STAT4: variants seen among roughly 807,000 people sequenced by gnomAD.
STAT4 encodes signal transducer and activator of transcription 4.
Under a neutral mutation model 110.5 loss-of-function variants are expected in STAT4, and 42 were observed. The ratio of observed to expected loss-of-function variants is 0.38; its 90% CI spans 0.30 to 0.49. STAT4 has a LOEUF of 0.49. Ranked by LOEUF, STAT4 falls within the 20% of genes least tolerant of loss-of-function variation. The probability of loss-of-function intolerance (pLI) is 0.95; values close to 1 mark genes in which losing one functional copy is unlikely to be tolerated. For synonymous variants in STAT4, 284 were observed against 302.2 expected (o/e 0.94, Z 0.63); for missense variants, 632 against 887.9 (o/e 0.71, Z 3.66).
intron 6 of STAT4, chr2:191,068,531 C>G (rs1159249052): frequency 1.3e-5 from 2 of 152,116 alleles, no homozygotes; most frequent in African/African-American, 4.8e-5. Context: ...AATGTTTGGC[C>G]ACAATCATTC....
intron 3 of STAT4, among the ~76,000 whole-genome samples, chr2:191,120,775 C>T (rs1023632471): frequency 3.3e-5 from 5 of 152,134 alleles, no homozygotes; most frequent in Admixed American, 2.6e-4. Context: ...AAAATTAATT[C>T]AAGATGGATT....
At chr2:191,125,476 T>TTTATTA (rs6147087) in intron 3 of STAT4, among the ~76,000 whole-genome samples, 14,344 of 137,898 alleles carry the variant, frequency 0.1, 1,005 homozygotes, top group Middle Eastern at 0.19. Context: ...ATCCTCATTA[T>TTTATTA]TTATTATTAT....
chr2:191,123,821 A>G (rs1698802616), intron 3 of STAT4, among the ~76,000 whole-genome samples: 2 of 152,216 alleles, frequency 1.3e-5, no homozygotes, highest in African/African-American at 4.8e-5. Context: ...AGAGTATTGT[A>G]CTGCGTTATT....
At chr2:191,068,906 T>TA (rs1200884799) in intron 6 of STAT4, among the ~76,000 whole-genome samples, 2 of 152,034 alleles carry the variant, frequency 1.3e-5, no homozygotes, top group Non-Finnish European at 2.9e-5. Flanking sequence ...CCTTCATTTT[T>TA]AAAAAACACC....
At chr2:191,040,526 C>T (rs3024872) in intron 15 of STAT4, among the ~76,000 whole-genome samples, 131 of 151,978 alleles carry the variant, frequency 8.6e-4, no homozygotes, top group African/African-American at 3.0e-3. Context: ...ATATAAAGTT[C>T]GTAATACTCT....
chr2:191,117,759 C>T lies in STAT4; in HGVS notation c.273+28854G>A, dbSNP rs1698609836. ...CCATTGCTTATTTTTCTTCCGATGC[C>T]TGGATGCATCCCTCCTTTGTGAACT... On this transcript the variant is annotated intron_variant, in intron 3 of 23. Transcript: ENST00000392320. This position sits in a 1 kb window ranked among gnomAD's most constrained non-coding sequence, Gnocchi z 5.2. Among the ~76,000 whole-genome samples, 1 of 152,150 alleles carries T rather than the reference C, an allele frequency of 6.6e-6. No individual in the cohort carries two copies. Among genetic ancestry groups the T allele is most frequent in the Non-Finnish European group, 1.5e-5 (1 of 68,034 alleles).
intron 3 of STAT4, among the ~76,000 whole-genome samples, chr2:191,118,425 G>A (rs758379617): frequency 1.6e-4 from 24 of 152,106 alleles, no homozygotes; most frequent in Non-Finnish European, 2.9e-4. Context: ...TCAAAAATTG[G>A]TGAGATCTTC....
rs1698569655 is a variant in STAT4 at position 191,116,291 on chromosome 2, A to G, written c.273+30322T>C. On this transcript the variant is annotated intron_variant, in intron 3 of 23. Coordinates refer to ENST00000392320, the MANE Select transcript of STAT4 (RefSeq NM_003151.4). This position sits in a 1 kb window ranked among gnomAD's most constrained non-coding sequence, Gnocchi z 4.1. ...ACGACACCACCTTCTCTGCAGAATC[A>G]TATCACCTGTACATTTCATCCTAAA... Among the ~76,000 whole-genome samples the G allele has an allele frequency of 6.6e-6, 1 of 152,190 alleles. No individual in the cohort carries two copies. Among genetic ancestry groups the G allele is most frequent in the Non-Finnish European group, 1.5e-5 (1 of 68,028 alleles).
At chr2:191,038,940 A>G (rs1696116162) in intron 16 of STAT4, among the ~76,000 whole-genome samples, 1 of 152,200 alleles carries the variant, frequency 6.6e-6, no homozygotes, top group Non-Finnish European at 1.5e-5. Flanking sequence ...TGGTACGCAC[A>G]TAGTTGGCAG....
chr2:191,108,249 C>A (rs1249460022), intron 3 of STAT4, among the ~76,000 whole-genome samples: 1 of 151,438 alleles, frequency 6.6e-6, no homozygotes, highest in Non-Finnish European at 1.5e-5. Context: ...CGAGATCGCG[C>A]CACTACGCTC....
chr2:191,061,219 G>C lies in STAT4; in HGVS notation c.1034+510C>G, dbSNP rs556777521. Among the ~76,000 whole-genome samples the C allele has an allele frequency of 6.6e-6, 1 of 152,122 alleles. No homozygotes were observed. Among genetic ancestry groups the C allele is most frequent in the East Asian group, 1.9e-4 (1 of 5,190 alleles). ...AACTGTGGTATTGGGAGTTTTTGTGGAAAGTCTAATAAGCCAGTTACTGGG... is the reference window on the plus strand; with the variant it reads ...AACTGTGGTATTGGGAGTTTTTGTGCAAAGTCTAATAAGCCAGTTACTGGG... On this transcript the variant is annotated intron_variant, in intron 10 of 23. Transcript: ENST00000392320. This position sits in a 1 kb window ranked among gnomAD's most constrained non-coding sequence, Gnocchi z 6.2.
In STAT4 at chr2:191,091,828, T is replaced by C. The variant is rs894294608; in HGVS notation, c.274-15503A>G. 2.6e-5 allele frequency among the ~76,000 whole-genome samples: 4 copies of C among 152,200 alleles called. No homozygotes were observed. Among genetic ancestry groups the C allele is most frequent in the African/African-American group, 9.7e-5 (4 of 41,448 alleles). On this transcript the variant is annotated intron_variant, in intron 3 of 23. Transcript: ENST00000392320. This position sits in a 1 kb window ranked among gnomAD's most constrained non-coding sequence, Gnocchi z 5.4. ...TTCACTTTGACTCCAGAGTGTTGAC[T>C]TACTTTTAACCAATTAACCATCAAG...
At position 191,060,955 on chromosome 2, in the gene STAT4, G is replaced by A. The variant is rs767929554; in HGVS notation, c.1034+774C>T. Among the ~76,000 whole-genome samples, 5 of 152,156 alleles carry A rather than the reference G, an allele frequency of 3.3e-5. No individual in the cohort carries two copies. Among genetic ancestry groups the A allele is most frequent in the Non-Finnish European group, 7.3e-5 (5 of 68,030 alleles). Reference sequence around the variant, plus strand: ...GGCATCACCACCTCTTGACCTGTTAGTCTGTGGTTTCAGCTTTCCAGAGGT... The same window carrying A: ...GGCATCACCACCTCTTGACCTGTTAATCTGTGGTTTCAGCTTTCCAGAGGT... On this transcript the variant is annotated intron_variant, in intron 10 of 23. Coordinates refer to ENST00000392320, the MANE Select transcript of STAT4 (RefSeq NM_003151.4). The surrounding 1 kb of genome is among the most constrained non-coding windows in gnomAD (Gnocchi z 4.5).
At position 191,117,942 on chromosome 2, in the gene STAT4, G is replaced by A. The variant is rs767157804; in HGVS notation, c.273+28671C>T. Among the ~76,000 whole-genome samples, 1 of 152,170 alleles carries A rather than the reference G, an allele frequency of 6.6e-6. No homozygotes were observed. The highest frequency in any genetic ancestry group is 2.4e-5 in the African/African-American group (1 of 41,446). On this transcript the variant is annotated intron_variant, in intron 3 of 23. Coordinates refer to ENST00000392320, the MANE Select transcript of STAT4 (RefSeq NM_003151.4). This position sits in a 1 kb window ranked among gnomAD's most constrained non-coding sequence, Gnocchi z 5.2. ...TGAGAAGGATGTATCTATCTACACT[G>A]TTCAAGAGGAAGATAGATGGGACAC...
Position 191,086,786 on chromosome 2 carries a change from T to C in STAT4, c.274-10461A>G, listed in dbSNP as rs1287373409. Among the ~76,000 whole-genome samples, 3 of 152,188 alleles carry C rather than the reference T, an allele frequency of 2.0e-5. No individual in the cohort carries two copies. Among genetic ancestry groups the C allele is most frequent in the African/African-American group, 7.2e-5 (3 of 41,458 alleles). On this transcript the variant is annotated intron_variant, in intron 3 of 23. Transcript: ENST00000392320. The surrounding 1 kb of genome is among the most constrained non-coding windows in gnomAD (Gnocchi z 5.5). ...ACTTGAAATTGCTAGAAATTAGAACTGCTTTTCTTAAAGCTTCTCAAACTG... is the reference window on the plus strand; with the variant it reads ...ACTTGAAATTGCTAGAAATTAGAACCGCTTTTCTTAAAGCTTCTCAAACTG...
rs971739605 is a variant in STAT4 at position 191,083,648 on chromosome 2, T to G, written c.274-7323A>C. Reference sequence around the variant, plus strand: ...ACAGAGTAAAATATTTTCATTCACATTTTTGAATTAGAAATGTGCAACCTA... The same window carrying G: ...ACAGAGTAAAATATTTTCATTCACAGTTTTGAATTAGAAATGTGCAACCTA... On this transcript the variant is annotated intron_variant, in intron 3 of 23. Transcript: ENST00000392320. This position sits in a 1 kb window ranked among gnomAD's most constrained non-coding sequence, Gnocchi z 4.6. Among the ~76,000 whole-genome samples, 1 of 152,216 alleles carries G rather than the reference T, an allele frequency of 6.6e-6. No individual in the cohort carries two copies. The highest frequency in any genetic ancestry group is 2.4e-5 in the African/African-American group (1 of 41,466).
At position 191,083,174 on chromosome 2, in the gene STAT4, C is replaced by T. The variant is rs1010435379; in HGVS notation, c.274-6849G>A. On this transcript the variant is annotated intron_variant, in intron 3 of 23. Coordinates refer to ENST00000392320, the MANE Select transcript of STAT4 (RefSeq NM_003151.4). This position sits in a 1 kb window ranked among gnomAD's most constrained non-coding sequence, Gnocchi z 4.6. ...TTGAGACAAGGATTCCAGTGCAAGTCGTTTAAGTGGGAGTTGGTCCCACAA... is the reference window on the plus strand; with the variant it reads ...TTGAGACAAGGATTCCAGTGCAAGTTGTTTAAGTGGGAGTTGGTCCCACAA... 6.6e-6 allele frequency among the ~76,000 whole-genome samples: 1 copy of T among 152,084 alleles called. No homozygotes were observed. Among genetic ancestry groups the T allele is most frequent in the Non-Finnish European group, 1.5e-5 (1 of 68,024 alleles).
rs1697213354 is a variant in STAT4, at chr2:191,073,115, T to C, written c.448A>G (p.Ile150Val). The change falls in exon 5 of 24, where the codon ATT (isoleucine) becomes GTT (valine). Residue 150 changes from isoleucine (I) to valine (V), a missense_variant. Ile to Val is a conservative substitution (Grantham distance 29). Around this residue, in one of 4 missense-constraint regions of STAT4, gnomAD observed 488 missense variants for 632.8 expected, o/e 0.77. Coordinates refer to ENST00000392320, the MANE Select transcript of STAT4 (RefSeq NM_003151.4). Reference sequence around the variant, plus strand: ...GCACTTACCTGCACACTGTTTTTAATGGCAGCCACTTTGTGCTCCACATTC... The same window carrying C: ...GCACTTACCTGCACACTGTTTTTAACGGCAGCCACTTTGTGCTCCACATTC... ...QRNVEHKVAA[I>V]KNSVQMTEQD... is the part of the protein sequence containing the mutation. The C allele has an allele frequency of 2.5e-6, 4 of 1,614,032 alleles. No homozygotes were observed. Among genetic ancestry groups the C allele is most frequent in the South Asian group, 1.1e-5 (1 of 91,078 alleles).
rs1274615196 is a variant in STAT4, at chr2:191,138,800, A to G, written c.273+7813T>C. Among the ~76,000 whole-genome samples the G allele has an allele frequency of 6.6e-6, 1 of 152,192 alleles. No individual in the cohort carries two copies. Among genetic ancestry groups the G allele is most frequent in the Non-Finnish European group, 1.5e-5 (1 of 68,024 alleles). ...AATACCAAAACCAGGAAAGGGCATA[A>G]CAAGAAAACTACCGGACCAATAGCT... On this transcript the variant is annotated intron_variant, in intron 3 of 23. Transcript: ENST00000392320. The surrounding 1 kb of genome is among the most constrained non-coding windows in gnomAD (Gnocchi z 4.3).
Sources: allele counts gnomAD v4.1 joint callset (sites outside exome capture counted in the v4.1 genomes callset), GRCh38; gene constraint gnomAD v4.1.1; regional missense constraint gnomAD v4.1.1; non-coding constraint Gnocchi (gnomAD v3.1); transcripts MANE v1.5; gene names NCBI Gene and HGNC (gene_info 2026-07-23, HGNC 2026-07-21).